The following FAM227A variants were observed in gnomAD, a reference collection of about 807,000 sequenced individuals.
The protein encoded by FAM227A is protein FAM227A.
In FAM227A, 80 loss-of-function variants were observed where a neutral mutation model predicts 74.7. That is an observed-to-expected ratio of 1.07 (90% CI 0.89 to 1.29). The LOEUF (loss-of-function observed/expected upper bound fraction) is 1.29, where lower values mean the gene tolerates loss of function less well. FAM227A is among the 50% of genes most tolerant of loss of function. FAM227A has a pLI of 0.00. For synonymous variants in FAM227A, 237 were observed against 241.8 expected (o/e 0.98, Z 0.19); for missense variants, 654 against 683.4 (o/e 0.96, Z 0.48).
At chr22:38,597,428 G>A (rs998646933) in intron 14 of FAM227A, 72 bp from the exon 15 acceptor site, 7 of 1,425,276 alleles carry the variant, frequency 4.9e-6, no homozygotes, top group East Asian at 2.5e-5. Context: ...TGGCATGAGC[G>A]CAGTGCATGG....
At chr22:38,626,068 A>G (rs2091792773) in intron 9 of FAM227A, 112 bp downstream of exon 9, 2 of 1,106,220 alleles carry the variant, frequency 1.8e-6, no homozygotes, top group Admixed American at 4.9e-5. Context: ...AGGAGAGAAA[A>G]GAGAGAATGC....
chr22:38,594,302 C>T (rs1717686066), intron 15 of FAM227A, among the ~76,000 whole-genome samples: 2 of 152,160 alleles, frequency 1.3e-5, no homozygotes, highest in Non-Finnish European at 2.9e-5. Flanking sequence ...TCCTTCCCTT[C>T]TGGTCACTCC....
At chr22:38,628,177 G>T in intron 8 of FAM227A, 61 bp downstream of exon 8, 1 of 968,712 alleles carries the variant, frequency 1.0e-6, no homozygotes, top group South Asian at 1.4e-5. Context: ...ACATTCTCTT[G>T]GCATCAGAAA....
intron 2 of FAM227A, 108 bp from the exon 3 acceptor site, chr22:38,645,753 AATT>A: frequency 1.5e-6 from 1 of 651,470 alleles, no homozygotes; most frequent in Non-Finnish European, 2.6e-6. Flanking sequence ...CTCTCTCCTT[AATT>A]ATTTTCTTTG....
Position 38,639,719 on chromosome 22 carries a change from A to G in FAM227A, c.231T>C (p.Ile77=). 1 of 1,550,274 alleles carries G rather than the reference A, an allele frequency of 6.5e-7. No homozygotes were observed. ...RTEPSANSLA[I]ERFELEKKAL... is the part of the protein sequence containing the mutation. ...CCTTCTTCTCCAACTCAAATCTCTC[A>G]ATTGCCTTCAAAAACCAAGAAAAAG... Residue 77 remains isoleucine, a synonymous_variant, in exon 4 of 17, where the codon ATT becomes ATC. Coordinates refer to ENST00000535113, the MANE Select transcript of FAM227A (RefSeq NM_001013647.2).
chr22:38,624,656 C>T (rs546837440), intron 9 of FAM227A, among the ~76,000 whole-genome samples: 8 of 152,240 alleles, frequency 5.3e-5, no homozygotes, highest in Admixed American at 1.3e-4. Context: ...GTCTATGTGA[C>T]GATCCCAATG....
intron 11 of FAM227A, among the ~76,000 whole-genome samples, chr22:38,619,142 T>C (rs566813171): frequency 6.6e-6 from 1 of 150,422 alleles, no homozygotes; most frequent in Non-Finnish European, 1.5e-5. Flanking sequence ...AGAAAGGGAG[T>C]GTGGTATACA....
intron 1 of FAM227A, among the ~76,000 whole-genome samples, chr22:38,650,891 T>C (rs932010515): frequency 2.0e-5 from 3 of 152,162 alleles, no homozygotes; most frequent in South Asian, 2.1e-4. Flanking sequence ...TCTAGTGTGA[T>C]AGGCCTCGTT....
chr22:38,647,851 A>G (rs2092265716), intron 2 of FAM227A, among the ~76,000 whole-genome samples: 1 of 152,192 alleles, frequency 6.6e-6, no homozygotes, highest in Non-Finnish European at 1.5e-5. Flanking sequence ...AAATCACAGC[A>G]GGTAAAATGG....
chr22:38,630,824 G>A (rs1296613013), intron 6 of FAM227A, among the ~76,000 whole-genome samples: 1 of 152,190 alleles, frequency 6.6e-6, no homozygotes, highest in African/African-American at 2.4e-5. Context: ...GTGGAGCCCA[G>A]AGAGGGCATC....
At chr22:38,626,436 C>T in intron 8 of FAM227A, 133 bp from the exon 9 acceptor site, 2 of 1,123,638 alleles carry the variant, frequency 1.8e-6, no homozygotes, top group Non-Finnish European at 2.4e-6. Flanking sequence ...AAGGTTCTCA[C>T]TGTGTTACCC....
intron 6 of FAM227A, among the ~76,000 whole-genome samples, chr22:38,633,882 C>T (rs1012378789): frequency 3.3e-5 from 5 of 151,906 alleles, no homozygotes; most frequent in Admixed American, 2.0e-4. Flanking sequence ...GTGGTAATAT[C>T]TATGTATTTC....
At chr22:38,605,147 C>G in intron 13 of FAM227A, 107 bp downstream of exon 13, 1 of 673,994 alleles carries the variant, frequency 1.5e-6, no homozygotes, top group South Asian at 1.8e-5. Context: ...TGGCATAGTA[C>G]CTGGCATATA....
chr22:38,634,277 T>C (rs1282618481), intron 6 of FAM227A, among the ~76,000 whole-genome samples: 2 of 151,212 alleles, frequency 1.3e-5, no homozygotes, highest in East Asian at 3.9e-4. Flanking sequence ...ATACTGATAC[T>C]TTTCATTCAA....
chr22:38,636,925 C>T (rs1603038850), intron 5 of FAM227A, among the ~76,000 whole-genome samples: 1 of 151,992 alleles, frequency 6.6e-6, no homozygotes, highest in African/African-American at 2.4e-5. Context: ...TGCCCGCCAC[C>T]ATGCCCAGCT....
At chr22:38,592,842 A>T (rs1213617066) in intron 15 of FAM227A, among the ~76,000 whole-genome samples, 1 of 152,234 alleles carries the variant, frequency 6.6e-6, no homozygotes, top group East Asian at 1.9e-4. Flanking sequence ...GTCTTTACAG[A>T]CCTTAATTTA....
intron 6 of FAM227A, among the ~76,000 whole-genome samples, chr22:38,634,759 A>C (rs1603030913): frequency 6.6e-6 from 1 of 152,152 alleles, no homozygotes; most frequent in Non-Finnish European, 1.5e-5. Flanking sequence ...GGTACCCAAC[A>C]CCTGGGCCAC....
chr22:38,644,264 G>A (rs1305446392), intron 3 of FAM227A, among the ~76,000 whole-genome samples: 1 of 151,352 alleles, frequency 6.6e-6, no homozygotes, highest in Admixed American at 6.6e-5. Context: ...TATGGGAAAG[G>A]TAAAACTGGG....
chr22:38,595,272 A>G (rs2091020983), intron 15 of FAM227A, among the ~76,000 whole-genome samples: 1 of 152,170 alleles, frequency 6.6e-6, no homozygotes, highest in Non-Finnish European at 1.5e-5. Flanking sequence ...GTTTTGGACA[A>G]CAAAGTGCCC....
Sources: gnomAD v4.1 joint callset for allele counts (sites outside exome capture counted in the v4.1 genomes callset) on GRCh38, gnomAD v4.1.1 for gene constraint, MANE v1.5 for transcripts, NCBI Gene and HGNC (gene_info 2026-07-23, HGNC 2026-07-21) for gene names.